The following GALNT10 variants were observed in gnomAD, a reference collection of about 807,000 sequenced individuals.
The protein encoded by GALNT10 is polypeptide N-acetylgalactosaminyltransferase 10.
GALNT10 carries 41 observed loss-of-function variants against 75.0 expected under a neutral mutation model. The ratio of observed to expected loss-of-function variants is 0.55; its 90% confidence interval spans 0.43 to 0.71. The LOEUF (loss-of-function observed/expected upper bound fraction) is 0.71, where lower values mean the gene tolerates loss of function less well. GALNT10 is among the 30% of genes least tolerant of loss of function. GALNT10 has a pLI of 0.00. For synonymous variants in GALNT10, 302 were observed against 313.0 expected (o/e 0.96, Z 0.37); for missense variants, 727 against 818.5 (o/e 0.89, Z 1.36).
At chr5:154,293,134 A>G (rs1237145666) in intron 1 of GALNT10, among the ~76,000 whole-genome samples, 1 of 152,222 alleles carries the variant, frequency 6.6e-6, no homozygotes. Flanking sequence ...ACCTGCTAAC[A>G]CAGGGATCAG....
chr5:154,325,829 C>T (rs911923685), intron 3 of GALNT10, among the ~76,000 whole-genome samples: 2 of 152,116 alleles, frequency 1.3e-5, no homozygotes, highest in African/African-American at 4.8e-5. Context: ...GATGTGTGCT[C>T]TTGCCTTATG....
At position 154,409,409 on chromosome 5, in the gene GALNT10, G is replaced by A. The variant is rs553217682; in HGVS notation, c.1165-132G>A. 7.4e-5 allele frequency: 56 copies of A among 753,624 alleles called. No homozygotes were observed. Among genetic ancestry groups the A allele is most frequent in the Non-Finnish European group, 1.1e-4 (46 of 408,666 alleles). 46.7% of individuals were successfully genotyped at this position (753,624 alleles called of 1,614,324 possible). A position where few individuals can be genotyped will look rare whatever the true frequency, so the allele number is the denominator to read the frequency against. On this transcript the variant is annotated intron_variant, in intron 8 of 11. Transcript: ENST00000297107. The surrounding 1 kb of genome is among the most constrained non-coding windows in gnomAD (Gnocchi z 4.5). ...AGAAACACAGAAGGCCTAAACTCAC[G>A]GTGGGGCTGGGATTTTTGATGGAAC...
At chr5:154,215,483 CA>C (rs1202593192) in intron 1 of GALNT10, among the ~76,000 whole-genome samples, 2 of 151,864 alleles carry the variant, frequency 1.3e-5, no homozygotes, top group South Asian at 2.1e-4. Context: ...GACTCCGTCT[CA>C]AAAAACAAAA....
intron 4 of GALNT10, 26 bp downstream of exon 4, chr5:154,329,764 C>T: frequency 6.3e-7 from 1 of 1,575,692 alleles, no homozygotes; most frequent in Non-Finnish European, 8.7e-7. Context: ...CCCAGCCTCC[C>T]ACCCTCTGTG....
At chr5:154,392,509 T>C (rs1326497857) in intron 7 of GALNT10, 2 of 152,178 alleles carry the variant, frequency 1.3e-5, no homozygotes, top group Non-Finnish European at 2.9e-5. Context: ...CCTGGGCCAG[T>C]TGTTTCACCT....
chr5:154,276,170 A>C (rs1561647672), intron 1 of GALNT10, among the ~76,000 whole-genome samples: 1 of 152,162 alleles, frequency 6.6e-6, no homozygotes, highest in Non-Finnish European at 1.5e-5. Flanking sequence ...GGCCAAAATC[A>C]ATGTTTCAGC....
At chr5:154,345,751 T>C (rs989785791) in intron 4 of GALNT10, among the ~76,000 whole-genome samples, 1 of 144,366 alleles carries the variant, frequency 6.9e-6, no homozygotes, top group African/African-American at 2.6e-5. Flanking sequence ...TCCTCCCACC[T>C]CAGCCTCCTG....
At chr5:154,337,988 G>T in intron 4 of GALNT10, 1 of 1,578,046 alleles carries the variant, frequency 6.3e-7, no homozygotes, top group Non-Finnish European at 8.6e-7. Context: ...CAAAGGCAAA[G>T]CCCCTTTTCT....
intron 1 of GALNT10, among the ~76,000 whole-genome samples, chr5:154,235,133 CT>C (rs1753225198): frequency 6.6e-6 from 1 of 152,234 alleles, no homozygotes; most frequent in South Asian, 2.1e-4. Flanking sequence ...TTTCCCTAGA[CT>C]TCTGGCAATG....
At chr5:154,344,240 C>G (rs1164213831) in intron 4 of GALNT10, among the ~76,000 whole-genome samples, 1 of 142,504 alleles carries the variant, frequency 7.0e-6, no homozygotes, top group Non-Finnish European at 1.5e-5. Context: ...CAGAGTCTCA[C>G]TCTGTCTGTC....
At chr5:154,299,900 T>C (rs949822158) in intron 3 of GALNT10, among the ~76,000 whole-genome samples, 6 of 150,524 alleles carry the variant, frequency 4.0e-5, no homozygotes, top group African/African-American at 1.2e-4. Flanking sequence ...AGTGGCACGA[T>C]CTCAGCTCAC....
rs1754810484 is a variant in GALNT10 at position 154,329,563 on chromosome 5, T to G, written c.402-9T>G. ...CCTGTCCTCTGCCTCCCCTTATGTT[T>G]CCCTCTAGCTGCAACAGCAAGCGCT... is the stretch of plus-strand genomic sequence containing the variant. On this transcript the variant is annotated splice_polypyrimidine_tract_variant and intron_variant, in intron 3 of 11. Coordinates refer to ENST00000297107, the MANE Select transcript of GALNT10 (RefSeq NM_198321.4). 1.9e-6 allele frequency: 3 copies of G among 1,612,496 alleles called. No individual in the cohort carries two copies. The East Asian group carries it at 6.7e-5, about 36-fold the overall frequency.
At chr5:154,259,587 G>A (rs2113022495) in intron 1 of GALNT10, among the ~76,000 whole-genome samples, 1 of 152,276 alleles carries the variant, frequency 6.6e-6, no homozygotes, top group South Asian at 2.1e-4. Flanking sequence ...AGTGAGTTAT[G>A]TTGATTGAAA....
chr5:154,250,325 G>A (rs1753495249), intron 1 of GALNT10, among the ~76,000 whole-genome samples: 1 of 152,024 alleles, frequency 6.6e-6, no homozygotes, highest in Non-Finnish European at 1.5e-5. Context: ...ATTATTTTTC[G>A]ATAAAGCCCA....
At chr5:154,415,101 C>T (rs1382006797) in intron 10 of GALNT10, among the ~76,000 whole-genome samples, 2 of 152,080 alleles carry the variant, frequency 1.3e-5, no homozygotes, top group African/African-American at 4.8e-5. Flanking sequence ...CCAGCATGGA[C>T]AACAAGAGTG....
At chr5:154,319,672 T>C (rs1484001885) in intron 3 of GALNT10, among the ~76,000 whole-genome samples, 1 of 152,250 alleles carries the variant, frequency 6.6e-6, no homozygotes, top group Non-Finnish European at 1.5e-5. Context: ...ATGCCCAGCC[T>C]CTTTGCAATG....
chr5:154,194,714 G>A (rs1267660262), intron 1 of GALNT10, among the ~76,000 whole-genome samples: 1 of 152,154 alleles, frequency 6.6e-6, no homozygotes, highest in Non-Finnish European at 1.5e-5. Context: ...AATGCATATT[G>A]TAACGATGCT....
At chr5:154,349,170 G>A (rs1182385090) in intron 4 of GALNT10, among the ~76,000 whole-genome samples, 1 of 151,772 alleles carries the variant, frequency 6.6e-6, no homozygotes, top group African/African-American at 2.4e-5. Context: ...GCCTAGTAAA[G>A]GAGGTTCCTT....
intron 4 of GALNT10, among the ~76,000 whole-genome samples, chr5:154,333,639 G>C (rs1357077462): frequency 6.6e-6 from 1 of 152,124 alleles, no homozygotes; most frequent in Non-Finnish European, 1.5e-5. Flanking sequence ...AAGTGCATCT[G>C]TTTCTCCAGA....
Sources: gnomAD v4.1 joint callset for allele counts (sites outside exome capture counted in the v4.1 genomes callset) on GRCh38, gnomAD v4.1.1 for gene constraint, Gnocchi (gnomAD v3.1) non-coding constraint, MANE v1.5 for transcripts, NCBI Gene and HGNC (gene_info 2026-07-23, HGNC 2026-07-21) for gene names.